The following RAB15 variants were observed in gnomAD, a reference collection of about 807,000 sequenced individuals.
RAB15 encodes the protein ras-related protein Rab-15.
A neutral mutation model predicts 31.8 loss-of-function variants in RAB15; 13 were observed. The observed-to-expected ratio is 0.41, with a 90% CI of 0.27 to 0.65. The LOEUF (loss-of-function observed/expected upper bound fraction) is 0.65. RAB15 is among the 30% of genes least tolerant of loss of function. The pLI, the probability that RAB15 is intolerant of heterozygous loss-of-function variation, is 0.32. For missense variants in RAB15, 220 were observed against 277.3 expected, an observed-to-expected ratio of 0.79 and a Z score of 1.47; for synonymous variants, 100 against 105.6, an observed-to-expected ratio of 0.95 and a Z score of 0.33.
rs1007591656 is a variant in RAB15, at chr14:64,952,107, G to A, written c.185+404C>T. On this transcript the variant is annotated intron_variant, in intron 2 of 6. Coordinates refer to ENST00000533601, the MANE Select transcript of RAB15 (RefSeq NM_001308154.2). The surrounding 1 kb of genome is among the most constrained non-coding windows in gnomAD (Gnocchi z 4.2). ...AGACCTCAGGCAGAGAGCCACAGCA[G>A]CACCCTCTGCTACTGTGGAAACTTC... 5.3e-5 allele frequency among the ~76,000 whole-genome samples: 8 copies of A among 152,210 alleles called. No homozygotes were observed. The highest frequency in any genetic ancestry group is 1.2e-4 in the African/African-American group (5 of 41,442).
chr14:64,967,419 T>A (rs1887194273), intron 1 of RAB15, among the ~76,000 whole-genome samples: 1 of 152,064 alleles, frequency 6.6e-6, no homozygotes, highest in Non-Finnish European at 1.5e-5. Flanking sequence ...AAACCCCATC[T>A]CTACAAAACG....
At position 64,950,090 on chromosome 14, in the gene RAB15, G is replaced by A. The variant is rs892424929; in HGVS notation, c.414+235C>T. On this transcript the variant is annotated intron_variant, in intron 5 of 6. Transcript: ENST00000533601. This position sits in a 1 kb window ranked among gnomAD's most constrained non-coding sequence, Gnocchi z 5.6. ...TGCATTTGGGGACCTGGACTTGGGA[G>A]AGTTGCTGCCTATGACGTCTTTGTT... is the stretch of plus-strand genomic sequence containing the variant. 6.6e-5 allele frequency among the ~76,000 whole-genome samples: 10 copies of A among 152,208 alleles called. No individual in the cohort carries two copies. The highest frequency in any genetic ancestry group is 2.4e-4 in the African/African-American group (10 of 41,450).
At position 64,946,815 on chromosome 14, in the gene RAB15, C is replaced by T. The variant is rs572712106; in HGVS notation, c.*1539G>A. ...AATGACCCTCTTCCTAGGCCTCGCC[C>T]ACCTTGGGACGGTGGGCAGGAACCC... On this transcript the variant is annotated 3_prime_UTR_variant, in exon 7 of 7. Transcript: ENST00000533601. 1 of 152,050 alleles carries T rather than the reference C, an allele frequency of 6.6e-6. No individual in the cohort carries two copies. Among genetic ancestry groups the T allele is most frequent in the South Asian group, 2.1e-4 (1 of 4,814 alleles). 9.4% of individuals were successfully genotyped at this position (152,050 alleles called of 1,614,324 possible).
At position 64,971,579 on chromosome 14, in the gene RAB15, C is replaced by A. The variant is rs1292400290; in HGVS notation, c.124+374G>T. Among the ~76,000 whole-genome samples the A allele has an allele frequency of 6.6e-6, 1 of 152,022 alleles. No homozygotes were observed. The highest frequency in any genetic ancestry group is 1.9e-4 in the East Asian group (1 of 5,164). On this transcript the variant is annotated intron_variant, in intron 1 of 6. Transcript: ENST00000533601. This position sits in a 1 kb window ranked among gnomAD's most constrained non-coding sequence, Gnocchi z 4.1. ...CGGTCTCCACCCTGACCCCCTTTTC[C>A]GTAGCAGAAGCTTTACTTCCCCTCC... is the stretch of plus-strand genomic sequence containing the variant.
rs1341273236 is a variant in RAB15, at chr14:64,961,625, A to ATT, written c.125-9055_125-9054insAA. Among the ~76,000 whole-genome samples, 6 of 152,168 alleles carry ATT rather than the reference A, an allele frequency of 3.9e-5. No individual in the cohort carries two copies. In the East Asian group the frequency reaches 1.2e-3, roughly 29 times the overall value. On this transcript the variant is annotated intron_variant, in intron 1 of 6. Coordinates refer to ENST00000533601, the MANE Select transcript of RAB15 (RefSeq NM_001308154.2). ...CAGCCTCATCATCTTAACAGTCTCA[A>ATT]GCCCAGGCATGGTGGCTCACACCTG...
At position 64,951,094 on chromosome 14, in the gene RAB15, A is replaced by G; in HGVS notation, c.304T>C (p.Trp102Arg). Reference sequence around the variant, plus strand: ...CCTACCTCATCCACGTCACTGACCCACTTCATGATGTGCTGGTAAGAGCGC... The same window carrying G: ...CCTACCTCATCCACGTCACTGACCCGCTTCATGATGTGCTGGTAAGAGCGC... Reference protein sequence around the residue: ...SERSYQHIMKWVSDVDEYAPE... With the variant: ...SERSYQHIMKRVSDVDEYAPE... The change falls in exon 4 of 7, where the codon TGG (tryptophan) becomes CGG (arginine). Residue 102 changes from tryptophan (W) to arginine (R), a missense_variant. Physicochemically the swap from Trp to Arg is moderately radical, Grantham distance 101. Coordinates refer to ENST00000533601, the MANE Select transcript of RAB15 (RefSeq NM_001308154.2). The surrounding 1 kb of genome is among the most constrained non-coding windows in gnomAD (Gnocchi z 7.2). The G allele has an allele frequency of 6.2e-7, 1 of 1,613,032 alleles. No individual in the cohort carries two copies. Among genetic ancestry groups the G allele is most frequent in the Non-Finnish European group, 8.5e-7 (1 of 1,179,990 alleles).
rs937229651 is a variant in RAB15, at chr14:64,947,142, C to T, written c.*1212G>A. 5.2e-5 allele frequency: 8 copies of T among 152,584 alleles called. No individual in the cohort carries two copies. Among genetic ancestry groups the T allele is most frequent in the Non-Finnish European group, 8.8e-5 (6 of 68,050 alleles). 9.5% of individuals were successfully genotyped at this position (152,584 alleles called of 1,614,324 possible). On this transcript the variant is annotated 3_prime_UTR_variant, in exon 7 of 7. Transcript: ENST00000533601. This position sits in a 1 kb window ranked among gnomAD's most constrained non-coding sequence, Gnocchi z 5.6. ...CCATAAACTTTGGGTCCCAGGAGAA[C>T]CTTGGTTGCTGAAGGCTAGGCTCAG...
chr14:64,948,480 C>G lies in RAB15; in HGVS notation c.513G>C (p.Gln171His). 6.2e-7 allele frequency: 1 copy of G among 1,612,126 alleles called. No homozygotes were observed. Among genetic ancestry groups the G allele is most frequent in the Non-Finnish European group, 8.5e-7 (1 of 1,179,060 alleles). Reference protein sequence around the residue: ...SFTRLTELVLQAHRKELEGLR... With the variant: ...SFTRLTELVLHAHRKELEGLR... Reference sequence around the variant, plus strand: ...GGCCTTCCAGCTCCTTCCTATGGGCCTGCAGCACCAGCTCTGTCAGACGCG... The same window carrying G: ...GGCCTTCCAGCTCCTTCCTATGGGCGTGCAGCACCAGCTCTGTCAGACGCG... Residue 171 changes from glutamine (Q) to histidine (H), a missense_variant, in exon 7 of 7, where the codon CAG becomes CAC. Physicochemically the swap from Gln to His is conservative, Grantham distance 24. Coordinates refer to ENST00000533601, the MANE Select transcript of RAB15 (RefSeq NM_001308154.2). The surrounding 1 kb of genome is among the most constrained non-coding windows in gnomAD (Gnocchi z 7.0).
In RAB15 at chr14:64,948,574, C is replaced by T. The variant is rs1008142908; in HGVS notation, c.481-62G>A. On this transcript the variant is annotated intron_variant, in intron 6 of 6. Coordinates refer to ENST00000533601, the MANE Select transcript of RAB15 (RefSeq NM_001308154.2). This position sits in a 1 kb window ranked among gnomAD's most constrained non-coding sequence, Gnocchi z 7.0. ...CTCCTCTCCCCTGGCAACCCTGCAG[C>T]GGCCTGAGGGATAAGGTCCATCTTA... 36 of 1,602,762 alleles carry T rather than the reference C, an allele frequency of 2.2e-5. No homozygotes were observed. Among genetic ancestry groups the T allele is most frequent in the Middle Eastern group, 1.7e-4 (1 of 5,978 alleles).
chr14:64,963,098 C>T (rs1027232918), intron 1 of RAB15, among the ~76,000 whole-genome samples: 8 of 148,194 alleles, frequency 5.4e-5, no homozygotes, highest in Middle Eastern at 3.5e-3. Flanking sequence ...GATCAGTGTT[C>T]CCCTTCCCCA....
rs1425191814 is a variant in RAB15, at chr14:64,953,760, C to A, written c.125-1189G>T. 1.0e-6 allele frequency: 1 copy of A among 983,584 alleles called. No individual in the cohort carries two copies. Among genetic ancestry groups the A allele is most frequent in the Non-Finnish European group, 1.2e-6 (1 of 828,362 alleles). The allele number at this position is 983,584 out of a possible 1,614,324, so 60.9% of individuals were successfully genotyped here. ...GGCACTATGCCCAGGGATTCAAGAG[C>A]TACGTCTGGTGGGTTAATTAAGCTT... is the stretch of plus-strand genomic sequence containing the variant. On this transcript the variant is annotated intron_variant, in intron 1 of 6. Transcript: ENST00000533601. The surrounding 1 kb of genome is among the most constrained non-coding windows in gnomAD (Gnocchi z 4.6).
rs1594935791 is a variant in RAB15 at position 64,952,021 on chromosome 14, G to C, written c.186-358C>G. On this transcript the variant is annotated intron_variant, in intron 2 of 6. Coordinates refer to ENST00000533601, the MANE Select transcript of RAB15 (RefSeq NM_001308154.2). This position sits in a 1 kb window ranked among gnomAD's most constrained non-coding sequence, Gnocchi z 4.2. The stretch of plus-strand genomic sequence containing the variant: ...AGTCCCTATGGGACCTCTGAAGGCA[G>C]TGCCCATACTGCTGTGGAATTGAGA... 1.3e-5 allele frequency among the ~76,000 whole-genome samples: 2 copies of C among 152,202 alleles called. No individual in the cohort carries two copies. Among genetic ancestry groups the C allele is most frequent in the East Asian group, 3.9e-4 (2 of 5,180 alleles).
chr14:64,950,985 G>A lies in RAB15; in HGVS notation c.324+89C>T. 1 of 1,614,040 alleles carries A rather than the reference G, an allele frequency of 6.2e-7. No individual in the cohort carries two copies. On this transcript the variant is annotated intron_variant, in intron 4 of 6. Transcript: ENST00000533601. This position sits in a 1 kb window ranked among gnomAD's most constrained non-coding sequence, Gnocchi z 5.6. Reference sequence around the variant, plus strand: ...GGGCTGTGGAAGGCAAAGCTTCCTGGAAGCATTTGCCTTCCCATCTGGCCC... The same window carrying A: ...GGGCTGTGGAAGGCAAAGCTTCCTGAAAGCATTTGCCTTCCCATCTGGCCC...
Position 64,948,294 on chromosome 14 carries a change from T to C in RAB15, c.*60A>G. The C allele has an allele frequency of 7.0e-7, 1 of 1,435,092 alleles. No homozygotes were observed. The highest frequency in any genetic ancestry group is 9.1e-7 in the Non-Finnish European group (1 of 1,095,456). The allele number at this position is 1,435,092 out of a possible 1,614,324, so 88.9% of individuals were successfully genotyped here. On this transcript the variant is annotated 3_prime_UTR_variant, in exon 7 of 7. Transcript: ENST00000533601. This position sits in a 1 kb window ranked among gnomAD's most constrained non-coding sequence, Gnocchi z 7.0. ...CAGCAGGGCAAAGCCCCGGCTCCCC[T>C]GTCTGCCCACGGGCCTCCTGAGGGA...
chr14:64,960,597 AT>A (rs1198388613), intron 1 of RAB15, among the ~76,000 whole-genome samples: 7 of 150,752 alleles, frequency 4.6e-5, no homozygotes, highest in East Asian at 1.9e-4. Flanking sequence ...TTCTCAGAGA[AT>A]TTTTTTTTTA....
At position 64,971,338 on chromosome 14, in the gene RAB15, T is replaced by C. The variant is rs1352294164; in HGVS notation, c.124+615A>G. Among the ~76,000 whole-genome samples, 1 of 152,168 alleles carries C rather than the reference T, an allele frequency of 6.6e-6. No individual in the cohort carries two copies. Among genetic ancestry groups the C allele is most frequent in the African/African-American group, 2.4e-5 (1 of 41,440 alleles). ...ATTCCTGACACTCCTCCATCCTCTT[T>C]AGCCTCCCTCAGAACAGATGTCTCC... On this transcript the variant is annotated intron_variant, in intron 1 of 6. Coordinates refer to ENST00000533601, the MANE Select transcript of RAB15 (RefSeq NM_001308154.2). This position sits in a 1 kb window ranked among gnomAD's most constrained non-coding sequence, Gnocchi z 4.1.
In RAB15 at chr14:64,948,376, G is replaced by C; in HGVS notation, c.617C>G (p.Ser206Cys). 6.3e-7 allele frequency: 1 copy of C among 1,593,716 alleles called. No homozygotes were observed. The highest frequency in any genetic ancestry group is 8.5e-7 in the Non-Finnish European group (1 of 1,172,424). ...GACTCAGCACCAGCAGGTTTTCGAA[G>C]AGTTCGCTGGGCCCTCGGGTTTGCC... ...EEGKPEGPAN[S>C]SKTCWC The change falls in exon 7 of 7, where the codon TCT becomes TGT. Residue 206 changes from serine to cysteine, a missense_variant. Physicochemically the swap from Ser to Cys is moderately radical, Grantham distance 112. Coordinates refer to ENST00000533601, the MANE Select transcript of RAB15 (RefSeq NM_001308154.2). This position sits in a 1 kb window ranked among gnomAD's most constrained non-coding sequence, Gnocchi z 7.0.
Position 64,954,481 on chromosome 14 carries a change from A to G in RAB15, c.125-1910T>C. Reference sequence around the variant, plus strand: ...ACTAGCCTAGCAAACCTGGCCAAGGACAGTGCCTTGTGCAAAGCCATCACA... The same window carrying G: ...ACTAGCCTAGCAAACCTGGCCAAGGGCAGTGCCTTGTGCAAAGCCATCACA... On this transcript the variant is annotated intron_variant, in intron 1 of 6. Coordinates refer to ENST00000533601, the MANE Select transcript of RAB15 (RefSeq NM_001308154.2). This position sits in a 1 kb window ranked among gnomAD's most constrained non-coding sequence, Gnocchi z 4.3. 1.0e-6 allele frequency: 1 copy of G among 985,496 alleles called. No individual in the cohort carries two copies. The highest frequency in any genetic ancestry group is 1.2e-6 in the Non-Finnish European group (1 of 829,938). 61.0% of individuals were successfully genotyped at this position (985,496 alleles called of 1,614,324 possible). A position where few individuals can be genotyped will look rare whatever the true frequency, so the allele number is the denominator to read the frequency against.
In RAB15 at chr14:64,953,675, C is replaced by T. The variant is rs1886390123; in HGVS notation, c.125-1104G>A. 2.3e-6 allele frequency: 1 copy of T among 438,338 alleles called. No individual in the cohort carries two copies. The highest frequency in any genetic ancestry group is 3.0e-6 in the Non-Finnish European group (1 of 330,180). The allele number at this position is 438,338 out of a possible 1,614,324, so 27.2% of individuals were successfully genotyped here. On this transcript the variant is annotated intron_variant, in intron 1 of 6. Transcript: ENST00000533601. The surrounding 1 kb of genome is among the most constrained non-coding windows in gnomAD (Gnocchi z 4.6). ...CAGCCAGCTTGACTCTGAGTGACAACAGAGAGATGAGGGAGGTTGTTTTGC... is the reference window on the plus strand; with the variant it reads ...CAGCCAGCTTGACTCTGAGTGACAATAGAGAGATGAGGGAGGTTGTTTTGC...
Sources: gnomAD v4.1 joint callset for allele counts (sites outside exome capture counted in the v4.1 genomes callset) on GRCh38, gnomAD v4.1.1 for gene constraint, Gnocchi (gnomAD v3.1) non-coding constraint, MANE v1.5 for transcripts, NCBI Gene and HGNC (gene_info 2026-07-23, HGNC 2026-07-21) for gene names.